The following DMD variants were observed in gnomAD, a reference collection of about 807,000 sequenced individuals.
DMD encodes mutant dystrophin.
Under a neutral mutation model 330.1 loss-of-function variants are expected in DMD, and 63 were observed. That is an observed-to-expected ratio of 0.19 (90% CI 0.16 to 0.24). The LOEUF is 0.24. Among genes scored for constraint, DMD ranks in the 10% least tolerant of loss-of-function variants. The pLI, the probability that DMD is intolerant of heterozygous loss-of-function variation, is 1.00. For missense variants in DMD, 3,344 were observed against 2,684.1 expected, an observed-to-expected ratio of 1.25 and a Z score of -5.43; for synonymous variants, 1,223 against 959.8, an observed-to-expected ratio of 1.27 and a Z score of -5.07.
chrX:32,559,393 T>A (rs1387709490), intron 16 of DMD, among the ~76,000 whole-genome samples: 5 of 112,210 alleles, frequency 4.5e-5, no homozygotes, highest in South Asian at 3.6e-4. Flanking sequence ...TTCCAGATTT[T>A]AAAAAATTAT....
intron 26 of DMD, among the ~76,000 whole-genome samples, chrX:32,451,306 T>C (rs1205578951): frequency 1.8e-5 from 2 of 111,328 alleles, no homozygotes; most frequent in Non-Finnish European, 3.8e-5. Flanking sequence ...ATCACTGCTG[T>C]AGTGATTATA....
intron 62 of DMD, among the ~76,000 whole-genome samples, chrX:31,287,198 G>A (rs1037346321): frequency 8.9e-6 from 1 of 112,275 alleles, no homozygotes; most frequent in African/African-American, 3.2e-5. Context: ...TAAGTGTAAC[G>A]TACACAGGTT....
intron 53 of DMD, among the ~76,000 whole-genome samples, chrX:31,668,847 T>A (rs2081582319): frequency 8.9e-6 from 1 of 111,875 alleles, no homozygotes; most frequent in South Asian, 3.7e-4. Flanking sequence ...CACACATAAG[T>A]GAGATCACGC....
intron 51 of DMD, among the ~76,000 whole-genome samples, chrX:31,732,820 G>C (rs1357174925): frequency 9.0e-6 from 1 of 111,239 alleles, no homozygotes; most frequent in Non-Finnish European, 1.9e-5. Flanking sequence ...CCTCAACCTA[G>C]CTTTAGTCAT....
At chrX:31,482,212 C>T (rs1193205219) in intron 57 of DMD, among the ~76,000 whole-genome samples, 1 of 92,607 alleles carries the variant, frequency 1.1e-5, no homozygotes, top group Non-Finnish European at 2.0e-5. Flanking sequence ...AAAAATGCAA[C>T]ATGATGGTGT....
rs1008802636 is a variant in DMD at position 31,605,722 on chromosome X, T to A, written c.8217+21951A>T. Among the ~76,000 whole-genome samples, 7 of 111,427 alleles carry A rather than the reference T, an allele frequency of 6.3e-5. No homozygotes were observed. The Admixed American group carries it at 6.7e-4, about 11-fold the overall frequency. ...ATGTGGTAATACCAGGTACAGATAA[T>A]TTATGTGTTCTAATATTATTTAGAA... is the stretch of plus-strand genomic sequence containing the variant. On this transcript the variant is annotated intron_variant, in intron 55 of 78. Transcript: ENST00000357033.
chrX:32,384,636 T>C (rs1471811805), intron 33 of DMD, among the ~76,000 whole-genome samples: 2 of 110,987 alleles, frequency 1.8e-5, no homozygotes, highest in African/African-American at 6.5e-5. Flanking sequence ...CTTTCTATGG[T>C]AAGGAATTGG....
At chrX:32,560,212 T>C (rs976257634) in intron 16 of DMD, among the ~76,000 whole-genome samples, 4 of 108,233 alleles carry the variant, frequency 3.7e-5, no homozygotes, top group Non-Finnish European at 7.6e-5. Context: ...ATATATATGC[T>C]TACACCAAAG....
At chrX:32,420,388 T>C (rs2098184793) in intron 29 of DMD, among the ~76,000 whole-genome samples, 1 of 111,542 alleles carries the variant, frequency 9.0e-6, no homozygotes. Flanking sequence ...TAAAATCAAG[T>C]TGGAAAAGAT....
At chrX:32,196,995 A>AAAAC (rs1435765957) in intron 44 of DMD, among the ~76,000 whole-genome samples, 9 of 103,170 alleles carry the variant, frequency 8.7e-5, no homozygotes, top group Admixed American at 3.3e-4. Flanking sequence ...TCAAAAAAAA[A>AAAAC]AAAAAAAAAA....
rs143268615 is a variant in DMD at position 32,362,632 on chromosome X, T to C, written c.5325+156A>G. On this transcript the variant is annotated intron_variant, in intron 37 of 78. Transcript: ENST00000357033. ...GGGGAGGAGTGGCGTTTATCTCCCA[T>C]TATAATCAGTGGTAAAATTTCCTTA... Among the ~76,000 whole-genome samples, 418 of 110,700 alleles carry C rather than the reference T, an allele frequency of 3.8e-3. No homozygotes were observed. The highest frequency in any genetic ancestry group is 4.2e-3 in the Non-Finnish European group (221 of 52,905).
chrX:31,657,858 T>C (rs1181622354), intron 54 of DMD, 132 bp downstream of exon 54: 11 of 639,544 alleles, frequency 1.7e-5, no homozygotes, highest in South Asian at 2.7e-5. Flanking sequence ...TGAGTTTAGT[T>C]GGTATTTATC....
chrX:31,209,378 C>CAGGA, intron 65 of DMD, 120 bp downstream of exon 65: 1 of 708,015 alleles, frequency 1.4e-6, no homozygotes, highest in Non-Finnish European at 2.2e-6. Context: ...TGATTTATCA[C>CAGGA]AGGAAGAGCA....
At chrX:32,743,657 TG>T (rs928252783) in intron 7 of DMD, among the ~76,000 whole-genome samples, 6 of 110,778 alleles carry the variant, frequency 5.4e-5, no homozygotes, top group African/African-American at 2.0e-4. Flanking sequence ...TTTAACTCTG[TG>T]GAATGTGTTC....
Position 31,348,630 on chromosome X carries a change from G to A in DMD, c.9089C>T (p.Ala3030Val), listed in dbSNP as rs1415768930. 1.7e-6 allele frequency: 2 copies of A among 1,207,602 alleles called. No individual in the cohort carries two copies. Among genetic ancestry groups the A allele is most frequent in the Admixed American group, 2.2e-5 (1 of 45,905 alleles). ...LNTRWKLLQVAVEDRVRQLHE... is the reference protein window; with the variant it reads ...LNTRWKLLQVVVEDRVRQLHE... ...CAGCTGCCTGACTCGGTCCTCGACGGCCACCTGGGAGGAAAAGGAGAGAAA... is the reference window on the plus strand; with the variant it reads ...CAGCTGCCTGACTCGGTCCTCGACGACCACCTGGGAGGAAAAGGAGAGAAA... Residue 3030 changes from alanine (A) to valine (V), a missense_variant, in exon 61 of 79, where the codon GCC becomes GTC. Physicochemically the swap from Ala to Val is moderately conservative, Grantham distance 64. Coordinates refer to ENST00000357033, the MANE Select transcript of DMD (RefSeq NM_004006.3).
At chrX:32,153,065 G>C (rs2096813061) in intron 44 of DMD, among the ~76,000 whole-genome samples, 1 of 112,005 alleles carries the variant, frequency 8.9e-6, no homozygotes, top group South Asian at 3.7e-4. Flanking sequence ...AGATGAGTTT[G>C]TAGTTGTATT....
intron 44 of DMD, among the ~76,000 whole-genome samples, chrX:32,060,092 G>A (rs1603623649): frequency 9.5e-6 from 1 of 105,279 alleles, no homozygotes; most frequent in African/African-American, 3.5e-5. Context: ...CAGACCCACC[G>A]ATTACTTGCA....
intron 23 of DMD, among the ~76,000 whole-genome samples, chrX:32,465,801 G>A (rs1424832955): frequency 9.1e-6 from 1 of 109,832 alleles, no homozygotes; most frequent in Admixed American, 9.8e-5. Flanking sequence ...GGCCAGCATG[G>A]TCTTGATCTC....
intron 1 of DMD, among the ~76,000 whole-genome samples, chrX:33,084,133 C>A (rs2094970582): frequency 8.9e-6 from 1 of 112,238 alleles, no homozygotes; most frequent in African/African-American, 3.2e-5. Flanking sequence ...GAATACCCCA[C>A]CAGTAGACAG....
Sources: gnomAD v4.1 joint callset for allele counts (sites outside exome capture counted in the v4.1 genomes callset) on GRCh38, gnomAD v4.1.1 for gene constraint, MANE v1.5 for transcripts, NCBI Gene and HGNC (gene_info 2026-07-23, HGNC 2026-07-21) for gene names.